The following ZDHHC4 variants were observed in gnomAD, a reference collection of about 807,000 sequenced individuals.
The protein encoded by ZDHHC4 is zDHHC palmitoyltransferase 4.
A neutral mutation model predicts 36.7 loss-of-function variants in ZDHHC4; 42 were observed. The observed-to-expected ratio is 1.14, with a 90% CI of 0.89 to 1.48. The LOEUF is 1.48. Ranked by LOEUF, ZDHHC4 falls within the 40% of genes most tolerant of loss-of-function variation. The pLI is 0.00. For synonymous variants in ZDHHC4, 189 were observed against 166.6 expected (o/e 1.13, Z -1.03); for missense variants, 457 against 421.5 (o/e 1.08, Z -0.74).
intron 7 of ZDHHC4, among the ~76,000 whole-genome samples, chr7:6,586,179 A>C (rs535437994): frequency 6.6e-6 from 1 of 152,024 alleles, no homozygotes; most frequent in Non-Finnish European, 1.5e-5. Context: ...AAAAAAATTC[A>C]CATATCATAA....
intron 7 of ZDHHC4, among the ~76,000 whole-genome samples, chr7:6,587,747 C>G (rs1175543653): frequency 6.6e-6 from 1 of 152,198 alleles, no homozygotes; most frequent in Non-Finnish European, 1.5e-5. Flanking sequence ...TGGCCAGGCA[C>G]AGTGGCTCAC....
At chr7:6,584,804 T>A in intron 6 of ZDHHC4, 1 of 618,192 alleles carries the variant, frequency 1.6e-6, no homozygotes, top group Non-Finnish European at 2.8e-6. Flanking sequence ...CAGATTTGTC[T>A]TGTAGTCAGA....
chr7:6,585,634 A>G lies in ZDHHC4; in HGVS notation c.741+374A>G, dbSNP rs139843101. Among the ~76,000 whole-genome samples the G allele has an allele frequency of 2.5e-3, 374 of 151,766 alleles. 1 individual carries two copies. The highest frequency in any genetic ancestry group is 8.7e-3 in the African/African-American group (360 of 41,402). ...AGCCTGGGCAACATGGTGAAACCCC[A>G]TCTCTACTAAAATACAAAAAAATTA... On this transcript the variant is annotated intron_variant, in intron 7 of 7. Coordinates refer to ENST00000335965, the MANE Select transcript of ZDHHC4 (RefSeq NM_001134389.2).
At chr7:6,579,442 C>T (rs114632146) in intron 2 of ZDHHC4, among the ~76,000 whole-genome samples, 109 of 152,218 alleles carry the variant, frequency 7.2e-4, no homozygotes, top group African/African-American at 2.2e-3. Flanking sequence ...CCTCGTGATC[C>T]GCCTGCCTCG....
At position 6,589,063 on chromosome 7, in the gene ZDHHC4, G is replaced by C; in HGVS notation, c.*153G>C. The C allele has an allele frequency of 1.1e-6, 1 of 919,680 alleles. No homozygotes were observed. 57.0% of individuals were successfully genotyped at this position (919,680 alleles called of 1,614,324 possible). On this transcript the variant is annotated 3_prime_UTR_variant, in exon 8 of 8. Coordinates refer to ENST00000335965, the MANE Select transcript of ZDHHC4 (RefSeq NM_001134389.2). Reference sequence around the variant, plus strand: ...AGAGGGGAAAATGGGTGTTGACTGAGGAATCCCCCTTGCTTGTCTTCTTTT... The same window carrying C: ...AGAGGGGAAAATGGGTGTTGACTGACGAATCCCCCTTGCTTGTCTTCTTTT...
At chr7:6,581,579 TGA>T (rs770390377) in intron 3 of ZDHHC4, 26 bp from the exon 4 acceptor site, 1 of 1,555,852 alleles carries the variant, frequency 6.4e-7, no homozygotes, top group Admixed American at 1.7e-5. Context: ...GAAATGAAAT[TGA>T]GTCTTTCTCT....
rs1780611754 is a variant in ZDHHC4, at chr7:6,578,592, T to C, written c.-136T>C. ...CAGATCCAGGCTCCTGGAAGAACCATGTCCGGCAGCTACTGGTCATGCCAG... is the reference window on the plus strand; with the variant it reads ...CAGATCCAGGCTCCTGGAAGAACCACGTCCGGCAGCTACTGGTCATGCCAG... On this transcript the variant is annotated 5_prime_UTR_variant, in exon 2 of 8. The change abolishes an upstream ATG in the 5' untranslated region. Coordinates refer to ENST00000335965, the MANE Select transcript of ZDHHC4 (RefSeq NM_001134389.2). The C allele has an allele frequency of 6.6e-6, 1 of 152,218 alleles. No homozygotes were observed. Among genetic ancestry groups the C allele is most frequent in the Non-Finnish European group, 1.5e-5 (1 of 68,054 alleles). 9.4% of individuals were successfully genotyped at this position (152,218 alleles called of 1,614,324 possible).
At chr7:6,577,952 C>A (rs1487999265) in intron 1 of ZDHHC4, among the ~76,000 whole-genome samples, 1 of 152,188 alleles carries the variant, frequency 6.6e-6, no homozygotes, top group Non-Finnish European at 1.5e-5. Flanking sequence ...GCCTCAGCCT[C>A]CCCAGTAGCT....
chr7:6,579,102 G>A (rs1418547832), intron 2 of ZDHHC4, among the ~76,000 whole-genome samples: 5 of 151,498 alleles, frequency 3.3e-5, no homozygotes, highest in African/African-American at 1.2e-4. Flanking sequence ...GGGAGTACAG[G>A]CACGAGCCAC....
At chr7:6,587,260 T>C (rs1781305078) in intron 7 of ZDHHC4, among the ~76,000 whole-genome samples, 1 of 152,162 alleles carries the variant, frequency 6.6e-6, no homozygotes, top group Non-Finnish European at 1.5e-5. Flanking sequence ...TAATCTTTTG[T>C]TATACTGTTT....
intron 5 of ZDHHC4, 96 bp from the exon 6 acceptor site, chr7:6,583,210 A>G: frequency 4.5e-6 from 6 of 1,344,406 alleles, no homozygotes; most frequent in Non-Finnish European, 6.2e-6. Flanking sequence ...ACGATATTAA[A>G]GATAGCAGTT....
Position 6,580,534 on chromosome 7 carries a change from ACT to A in ZDHHC4, c.-7-18_-7-17del, listed in dbSNP as rs756341376. The A allele has an allele frequency of 8.8e-6, 14 of 1,597,354 alleles. No homozygotes were observed. Among genetic ancestry groups the A allele is most frequent in the Non-Finnish European group, 1.2e-5 (14 of 1,164,880 alleles). ...AAACCTTTCAGTAGCAGATAGTCACACTCTTTCTGTTCCTTTGTAGCTGCAGG... is the reference window on the plus strand; with the variant it reads ...AAACCTTTCAGTAGCAGATAGTCACACTTTCTGTTCCTTTGTAGCTGCAGG... On this transcript the variant is annotated intron_variant, in intron 2 of 7. Transcript: ENST00000335965.
chr7:6,583,278 A>C, intron 5 of ZDHHC4, 28 bp from the exon 6 acceptor site: 1 of 1,612,982 alleles, frequency 6.2e-7, no homozygotes, highest in Non-Finnish European at 8.5e-7. Flanking sequence ...TATTGCACGA[A>C]ACTGACATAT....
intron 7 of ZDHHC4, among the ~76,000 whole-genome samples, chr7:6,587,513 G>A (rs1781323395): frequency 1.3e-5 from 2 of 152,260 alleles, no homozygotes; most frequent in Middle Eastern, 3.4e-3. Flanking sequence ...TTTAAGCAGC[G>A]CAGTTCCTAT....
intron 5 of ZDHHC4, 169 bp downstream of exon 5, chr7:6,582,420 C>G: frequency 1.5e-6 from 1 of 654,120 alleles, no homozygotes; most frequent in Non-Finnish European, 2.5e-6. Flanking sequence ...CTTCTTCAAC[C>G]CATGGGTTAT....
intron 5 of ZDHHC4, 122 bp downstream of exon 5, chr7:6,582,373 T>A: frequency 1.0e-6 from 1 of 961,784 alleles, no homozygotes; most frequent in Non-Finnish European, 1.5e-6. Flanking sequence ...GCATTTTCAT[T>A]ACCTTTCAGT....
Position 6,582,170 on chromosome 7 carries a change from T to G in ZDHHC4, c.289T>G (p.Ser97Ala), listed in dbSNP as rs1474883651. ...VFGYCQELELSLHYLLLPYLL... is the reference protein window; with the variant it reads ...VFGYCQELELALHYLLLPYLL... ...TGGCTACTGTCAGGAGCTGGAGTTG[T>G]CCTTGCATTACCTTCTTCTGCCCTA... Residue 97 changes from serine (S) to alanine (A), a missense_variant, in exon 5 of 8, where the codon TCC (serine) becomes GCC (alanine). Physicochemically the swap from Ser to Ala is moderately conservative, Grantham distance 99 (BLOSUM62 1). Transcript: ENST00000335965. The G allele has an allele frequency of 1.9e-6, 3 of 1,614,102 alleles. No individual in the cohort carries two copies. The highest frequency in any genetic ancestry group is 2.5e-6 in the Non-Finnish European group (3 of 1,180,052).
At position 6,582,157 on chromosome 7, in the gene ZDHHC4, G is replaced by A; in HGVS notation, c.276G>A (p.Gln92=). The A allele has an allele frequency of 6.2e-7, 1 of 1,614,160 alleles. No individual in the cohort carries two copies. The highest frequency in any genetic ancestry group is 8.5e-7 in the Non-Finnish European group (1 of 1,180,034). Residue 92 remains glutamine, a synonymous_variant, in exon 5 of 8, where the codon CAG becomes CAA. Coordinates refer to ENST00000335965, the MANE Select transcript of ZDHHC4 (RefSeq NM_001134389.2). ...CCTGGGAAGTATTTGGCTACTGTCA[G>A]GAGCTGGAGTTGTCCTTGCATTACC... ...EYTWEVFGYC[Q]ELELSLHYLL... is the part of the protein sequence containing the mutation.
At chr7:6,586,085 G>A (rs1343175806) in intron 7 of ZDHHC4, among the ~76,000 whole-genome samples, 1 of 151,238 alleles carries the variant, frequency 6.6e-6, no homozygotes, top group African/African-American at 2.4e-5. Flanking sequence ...CCTGGGAGGC[G>A]GAGGTTGCAG....
Sources: gnomAD v4.1 joint callset for allele counts (sites outside exome capture counted in the v4.1 genomes callset) on GRCh38, gnomAD v4.1.1 for gene constraint, MANE v1.5 for transcripts, NCBI Gene and HGNC (gene_info 2026-07-23, HGNC 2026-07-21) for gene names.